MAPK10: variants seen among roughly 807,000 people sequenced by gnomAD.
MAPK10 encodes JNK3 alpha protein kinase.
A neutral mutation model predicts 59.3 loss-of-function variants in MAPK10; 25 were observed. The ratio of observed to expected loss-of-function variants is 0.42; its 90% confidence interval spans 0.31 to 0.59. The LOEUF is 0.59. MAPK10 is among the 20% of genes least tolerant of loss of function. The pLI, the probability that MAPK10 is intolerant of heterozygous loss-of-function variation, is 0.15. For missense variants in MAPK10, 351 were observed against 568.9 expected (o/e 0.62, Z 3.90); for synonymous variants, 190 against 200.5 (o/e 0.95, Z 0.44).
intron 4 of MAPK10, among the ~76,000 whole-genome samples, chr4:86,121,114 C>T (rs1387853203): frequency 1.3e-5 from 2 of 152,152 alleles, no homozygotes; most frequent in Admixed American, 1.3e-4. Flanking sequence ...AAGGCTGTGC[C>T]TACATACGAT....
chr4:86,023,391 T>A (rs973814709), intron 13 of MAPK10, among the ~76,000 whole-genome samples: 5 of 152,218 alleles, frequency 3.3e-5, no homozygotes, highest in African/African-American at 1.2e-4. Flanking sequence ...GTGTTGTTTT[T>A]CAAGGTTATT....
At chr4:86,197,384 G>A (rs1285536726) in intron 2 of MAPK10, among the ~76,000 whole-genome samples, 1 of 152,152 alleles carries the variant, frequency 6.6e-6, no homozygotes, top group African/African-American at 2.4e-5. Flanking sequence ...GTATAGGAAT[G>A]CTTGTGATTT....
rs142397254 is a variant in MAPK10 at position 86,212,143 on chromosome 4, A to G, written c.-6-17736T>C. Among the ~76,000 whole-genome samples, 262 of 150,676 alleles carry G rather than the reference A, an allele frequency of 1.7e-3. 1 individual carries two copies. The highest frequency in any genetic ancestry group is 2.6e-3 in the Non-Finnish European group (174 of 67,978). On this transcript the variant is annotated intron_variant, in intron 2 of 13. Transcript: ENST00000641462. ...ATTAAATTCTTCTATCAAAAGACAG[A>G]TGGGCAGAATGGATTTAAAAAAAAA...
In MAPK10 at chr4:86,227,420, G is replaced by A. The variant is rs145983340; in HGVS notation, c.-6-33013C>T. On this transcript the variant is annotated intron_variant, in intron 2 of 13. Transcript: ENST00000641462. ...GAGAATGGCGTGAACCCGGGAGGTG[G>A]AGCTTGCAGTGAGCTGAGATGGCGC... 4.8e-3 allele frequency among the ~76,000 whole-genome samples: 723 copies of A among 151,170 alleles called. 32 individuals carry two copies. In the East Asian group the frequency reaches 0.1, roughly 22 times the overall value.
intron 1 of MAPK10, among the ~76,000 whole-genome samples, chr4:86,561,146 G>A (rs1760647139): frequency 6.6e-6 from 1 of 152,164 alleles, no homozygotes; most frequent in African/African-American, 2.4e-5. Flanking sequence ...TTCACAGTAG[G>A]GTTCATGCTC....
At chr4:86,162,706 T>C (rs1338393698) in intron 3 of MAPK10, among the ~76,000 whole-genome samples, 4 of 152,086 alleles carry the variant, frequency 2.6e-5, no homozygotes, top group Non-Finnish European at 4.4e-5. Context: ...GCTCATTCAA[T>C]ATCATTAATT....
At chr4:86,487,921 T>C (rs144363789) in intron 1 of MAPK10, among the ~76,000 whole-genome samples, 1 of 152,182 alleles carries the variant, frequency 6.6e-6, no homozygotes, top group East Asian at 1.9e-4. Flanking sequence ...TTAAGGTAGA[T>C]TGCACAATAG....
At chr4:86,299,305 G>A (rs2095425929) in intron 2 of MAPK10, among the ~76,000 whole-genome samples, 1 of 152,128 alleles carries the variant, frequency 6.6e-6, no homozygotes, top group Admixed American at 6.5e-5. Context: ...ACTGTGCTAT[G>A]GTCTGAATGT....
At chr4:86,356,700 A>C (rs780219386) in intron 1 of MAPK10, 1 of 152,230 alleles carries the variant, frequency 6.6e-6, no homozygotes, top group Non-Finnish European at 1.5e-5. Context: ...ATTCTAAGTT[A>C]CATTTTTTAA....
intron 2 of MAPK10, among the ~76,000 whole-genome samples, chr4:86,198,747 C>A (rs1451215362): frequency 6.6e-6 from 1 of 151,286 alleles, no homozygotes; most frequent in East Asian, 1.9e-4. Flanking sequence ...AATTAATAAT[C>A]TGTGTATTAA....
intron 4 of MAPK10, among the ~76,000 whole-genome samples, chr4:86,139,322 T>C (rs1371167105): frequency 6.6e-6 from 1 of 150,894 alleles, no homozygotes; most frequent in Non-Finnish European, 1.5e-5. Context: ...ATGTTACTGG[T>C]ACCAAAACAG....
At chr4:86,129,298 GAA>G (rs1323142910) in intron 4 of MAPK10, among the ~76,000 whole-genome samples, 4 of 151,994 alleles carry the variant, frequency 2.6e-5, no homozygotes, top group Admixed American at 1.3e-4. Flanking sequence ...GCTTGTAAAA[GAA>G]ACAAAAATTG....
intron 1 of MAPK10, among the ~76,000 whole-genome samples, chr4:86,471,652 A>G (rs913156033): frequency 1.3e-5 from 2 of 152,256 alleles, no homozygotes; most frequent in African/African-American, 2.4e-5. Context: ...GATTTTGTGA[A>G]GATCAAATGA....
At chr4:86,276,510 A>C (rs539291707) in intron 2 of MAPK10, among the ~76,000 whole-genome samples, 1 of 152,292 alleles carries the variant, frequency 6.6e-6, no homozygotes, top group Admixed American at 6.5e-5. Context: ...AAGATAGATA[A>C]GCAGTCACTG....
chr4:86,445,969 A>T (rs1182973017), intron 1 of MAPK10, among the ~76,000 whole-genome samples: 2 of 152,158 alleles, frequency 1.3e-5, no homozygotes, highest in Non-Finnish European at 2.9e-5. Context: ...AAAGGTAAAG[A>T]AAAAAATCTT....
intron 9 of MAPK10, among the ~76,000 whole-genome samples, chr4:86,078,411 A>G (rs2149024805): frequency 6.6e-6 from 1 of 152,290 alleles, no homozygotes; most frequent in South Asian, 2.1e-4. Flanking sequence ...TAAGTGGCAC[A>G]TGCAGTCTCC....
intron 1 of MAPK10, among the ~76,000 whole-genome samples, chr4:86,511,212 G>A (rs1052504326): frequency 2.0e-5 from 3 of 152,030 alleles, no homozygotes; most frequent in Non-Finnish European, 4.4e-5. Flanking sequence ...GGCTGGGTGT[G>A]GTGGCTCATG....
intron 2 of MAPK10, among the ~76,000 whole-genome samples, chr4:86,279,686 G>T (rs754303717): frequency 6.6e-6 from 1 of 152,046 alleles, no homozygotes. Flanking sequence ...ACATTACTAG[G>T]GGGGGCTCAA....
chr4:86,584,629 G>T (rs1263981932), intron 1 of MAPK10, among the ~76,000 whole-genome samples: 1 of 152,110 alleles, frequency 6.6e-6, no homozygotes, highest in African/African-American at 2.4e-5. Flanking sequence ...ATTTTTTGTA[G>T]AGATGGGGTC....
Sources: allele counts gnomAD v4.1 joint callset (sites outside exome capture counted in the v4.1 genomes callset), GRCh38; gene constraint gnomAD v4.1.1; transcripts MANE v1.5; gene names NCBI Gene and HGNC (gene_info 2026-07-23, HGNC 2026-07-21).